NCAM2: variants seen among roughly 807,000 people sequenced by gnomAD.
NCAM2 encodes the protein N-CAM-2.
In NCAM2, 30 loss-of-function variants were observed where a neutral mutation model predicts 98.1. The observed-to-expected ratio is 0.31, with a 90% CI of 0.23 to 0.41. The LOEUF is 0.41. Among genes scored for constraint, NCAM2 ranks in the 10% least tolerant of loss-of-function variants. The pLI, the probability that NCAM2 is intolerant of heterozygous loss-of-function variation, is 1.00. For missense variants in NCAM2, 867 were observed against 1,005.8 expected, an observed-to-expected ratio of 0.86 and a Z score of 1.87; for synonymous variants, 368 against 342.4, an observed-to-expected ratio of 1.07 and a Z score of -0.83.
chr21:21,029,778 A>G (rs2064636108), intron 1 of NCAM2, among the ~76,000 whole-genome samples: 1 of 151,766 alleles, frequency 6.6e-6, no homozygotes, highest in African/African-American at 2.4e-5. Context: ...CTGCAAGTGC[A>G]CACCGCCATG....
chr21:21,012,926 A>G (rs946153853), intron 1 of NCAM2, among the ~76,000 whole-genome samples: 1 of 152,216 alleles, frequency 6.6e-6, no homozygotes, highest in African/African-American at 2.4e-5. Context: ...AAGCATACCC[A>G]CATAATGACA....
At chr21:21,307,617 G>T (rs937452867) in intron 5 of NCAM2, among the ~76,000 whole-genome samples, 18 of 152,122 alleles carry the variant, frequency 1.2e-4, no homozygotes, top group African/African-American at 3.9e-4. Flanking sequence ...GTTTTTGGCA[G>T]AATCCAGCCT....
intron 1 of NCAM2, among the ~76,000 whole-genome samples, chr21:21,064,613 T>C (rs2065394895): frequency 6.6e-6 from 1 of 152,130 alleles, no homozygotes; most frequent in Admixed American, 6.5e-5. Context: ...GGTTCATCAC[T>C]CTGAGATGTG....
intron 8 of NCAM2, among the ~76,000 whole-genome samples, chr21:21,372,879 A>G (rs1304188267): frequency 6.6e-6 from 1 of 151,876 alleles, no homozygotes; most frequent in Admixed American, 6.6e-5. Flanking sequence ...CATGTATAAC[A>G]GGTAATTACA....
chr21:21,366,886 A>G (rs1156997735), intron 8 of NCAM2, among the ~76,000 whole-genome samples: 4 of 152,016 alleles, frequency 2.6e-5, no homozygotes, highest in Admixed American at 6.6e-5. Flanking sequence ...ATACCAAAAC[A>G]TTTTAAATTT....
Position 21,316,945 on chromosome 21 carries a change from A to G in NCAM2, c.620-7438A>G, listed in dbSNP as rs2074242185. 1.3e-5 allele frequency among the ~76,000 whole-genome samples: 2 copies of G among 152,306 alleles called. 1 individual carries two copies. The highest frequency in any genetic ancestry group is 3.9e-4 in the East Asian group (2 of 5,186). ...CCCGGTGCCAAATTCAAAAATTTAC[A>G]CATCCGACTGTTTTAAATTACCCTG... On this transcript the variant is annotated intron_variant, in intron 5 of 17. Coordinates refer to ENST00000400546, the MANE Select transcript of NCAM2 (RefSeq NM_004540.5).
chr21:21,473,752 G>GA (rs1417164939), intron 14 of NCAM2, among the ~76,000 whole-genome samples: 1 of 151,848 alleles, frequency 6.6e-6, no homozygotes, highest in Non-Finnish European at 1.5e-5. Context: ...AGCAGCCCCT[G>GA]AAAATAAGAA....
chr21:21,177,778 C>T (rs2068342639), intron 1 of NCAM2, among the ~76,000 whole-genome samples: 2 of 151,506 alleles, frequency 1.3e-5, no homozygotes, highest in South Asian at 4.2e-4. Flanking sequence ...ATCCCCTGCC[C>T]TCCCCACTCT....
intron 1 of NCAM2, among the ~76,000 whole-genome samples, chr21:21,272,485 CAT>C: frequency 7.9e-6 from 1 of 127,358 alleles, no homozygotes; most frequent in Non-Finnish European, 1.6e-5. Context: ...AACACGCACA[CAT>C]ACACACACAT....
chr21:21,450,522 G>T (rs1980874833), intron 12 of NCAM2, among the ~76,000 whole-genome samples: 1 of 151,846 alleles, frequency 6.6e-6, no homozygotes, highest in Non-Finnish European at 1.5e-5. Context: ...TAGAGAAGAG[G>T]TCTTGCTGTG....
chr21:21,257,885 A>G (rs956984148), intron 1 of NCAM2, among the ~76,000 whole-genome samples: 4 of 152,154 alleles, frequency 2.6e-5, no homozygotes, highest in Admixed American at 1.3e-4. Context: ...CGGGCCCCCA[A>G]TGTTGATTGT....
intron 1 of NCAM2, among the ~76,000 whole-genome samples, chr21:21,110,296 T>G (rs17502981): frequency 0.039 from 5,952 of 152,236 alleles, 149 homozygotes; most frequent in Non-Finnish European, 0.044. Flanking sequence ...GCATGCTTGA[T>G]ATTTCAGGGC....
intron 1 of NCAM2, among the ~76,000 whole-genome samples, chr21:21,139,519 G>A (rs2067124906): frequency 2.0e-5 from 3 of 152,280 alleles, no homozygotes; most frequent in Non-Finnish European, 1.5e-5. Flanking sequence ...AGAATACAAG[G>A]AGAAAATTAA....
At chr21:21,517,624 G>A (rs894649819) in intron 16 of NCAM2, among the ~76,000 whole-genome samples, 5 of 152,110 alleles carry the variant, frequency 3.3e-5, no homozygotes, top group Non-Finnish European at 2.9e-5. Context: ...TTGGGAGGCC[G>A]AGGTGAGTGG....
At chr21:21,026,392 C>G (rs1156837708) in intron 1 of NCAM2, among the ~76,000 whole-genome samples, 1 of 152,192 alleles carries the variant, frequency 6.6e-6, no homozygotes, top group Non-Finnish European at 1.5e-5. Flanking sequence ...GGCGCGGTGG[C>G]TCACGCCTGT....
At chr21:21,450,470 G>A (rs1383662852) in intron 12 of NCAM2, among the ~76,000 whole-genome samples, 3 of 151,844 alleles carry the variant, frequency 2.0e-5, no homozygotes, top group Non-Finnish European at 4.4e-5. Context: ...TCAGCCTCCT[G>A]AGTAGCTGGG....
At chr21:21,389,693 G>A (rs1251978783) in intron 9 of NCAM2, among the ~76,000 whole-genome samples, 3 of 152,048 alleles carry the variant, frequency 2.0e-5, no homozygotes, top group African/African-American at 7.2e-5. Flanking sequence ...TTTACCGCCT[G>A]ACTTATTTCA....
chr21:21,457,030 G>A (rs1431394045), intron 12 of NCAM2, among the ~76,000 whole-genome samples: 1 of 152,190 alleles, frequency 6.6e-6, no homozygotes, highest in Non-Finnish European at 1.5e-5. Flanking sequence ...GCACCAAAAA[G>A]TAGAGGTGCT....
chr21:21,012,733 G>A lies in NCAM2; in HGVS notation c.55+14115G>A, dbSNP rs183482120. Among the ~76,000 whole-genome samples, 5 of 151,744 alleles carry A rather than the reference G, an allele frequency of 3.3e-5. No individual in the cohort carries two copies. The East Asian group carries it at 9.7e-4, about 29-fold the overall frequency. ...TTTTTTTACAACTCGAATGTCTGTG[G>A]CCCCCCTGTGTCAAGCAAATCTATC... On this transcript the variant is annotated intron_variant, in intron 1 of 17. Transcript: ENST00000400546.
Sources: allele counts gnomAD v4.1 joint callset (sites outside exome capture counted in the v4.1 genomes callset), GRCh38; gene constraint gnomAD v4.1.1; transcripts MANE v1.5; gene names NCBI Gene and HGNC (gene_info 2026-07-23, HGNC 2026-07-21).